Variants in MAD1L1 observed in about 807,000 individuals in gnomAD.
The protein encoded by MAD1L1 is mitotic spindle assembly checkpoint protein MAD1.
MAD1L1 carries 95 observed loss-of-function variants against 96.9 expected under a neutral mutation model. The ratio of observed to expected loss-of-function variants is 0.98; its 90% CI spans 0.83 to 1.16. MAD1L1 has a LOEUF of 1.16. MAD1L1 is among the 50% of genes most tolerant of loss of function. The pLI is 0.00. For synonymous variants in MAD1L1, 473 were observed against 396.6 expected (o/e 1.19, Z -2.29); for missense variants, 1,007 against 954.4 (o/e 1.06, Z -0.73).
Position 2,060,228 on chromosome 7 carries a change from G to A in MAD1L1, c.1218+8966C>T, listed in dbSNP as rs1480357851. On this transcript the variant is annotated intron_variant, in intron 12 of 18. Transcript: ENST00000265854. ...GCAGATGCCAAGTTACGCCGATGCC[G>A]AGATACGCCGATGCCGAGATACGCC... is the stretch of plus-strand genomic sequence containing the variant. Among the ~76,000 whole-genome samples, 17 of 109,488 alleles carry A rather than the reference G, an allele frequency of 1.6e-4. 1 individual carries two copies. Among genetic ancestry groups the A allele is most frequent in the African/African-American group, 6.4e-4 (14 of 21,960 alleles). The allele number at this position is 109,488 out of a possible 152,430, so 71.8% of individuals were successfully genotyped here.
chr7:2,095,041 A>C (rs889274183), intron 11 of MAD1L1, among the ~76,000 whole-genome samples: 8 of 152,052 alleles, frequency 5.3e-5, no homozygotes, highest in African/African-American at 1.7e-4. Flanking sequence ...ATATATATAT[A>C]TCTCCCCATA....
At chr7:2,050,709 G>A (rs1784130613) in intron 12 of MAD1L1, among the ~76,000 whole-genome samples, 1 of 152,148 alleles carries the variant, frequency 6.6e-6, no homozygotes, top group South Asian at 2.1e-4. Context: ...AGGGGCAGAG[G>A]CTGCGGAGGG....
At chr7:2,061,230 A>T (rs1406641425) in intron 12 of MAD1L1, among the ~76,000 whole-genome samples, 1 of 152,152 alleles carries the variant, frequency 6.6e-6, no homozygotes, top group Admixed American at 6.5e-5. Flanking sequence ...CCAGCTACTC[A>T]TGAGGCTGAG....
Position 2,090,385 on chromosome 7 carries a change from T to A in MAD1L1, c.1074-21047A>T, listed in dbSNP as rs572233624. On this transcript the variant is annotated intron_variant, in intron 11 of 18. Transcript: ENST00000265854. ...ATCCTTACCTCAGGGGTTTTTAAAG[T>A]AAATTTTGATTTTGATTTTGGAACG... Among the ~76,000 whole-genome samples, 426 of 152,330 alleles carry A rather than the reference T, an allele frequency of 2.8e-3. 2 individuals are homozygous for A. Among genetic ancestry groups the A allele is most frequent in the African/African-American group, 0.01 (417 of 41,572 alleles).
At chr7:1,893,279 ATGGGAAGTCC>A in intron 18 of MAD1L1, among the ~76,000 whole-genome samples, 1 of 151,796 alleles carries the variant, frequency 6.6e-6, no homozygotes, top group Admixed American at 6.6e-5. Flanking sequence ...CCTGGCTGGG[ATGGGAAGTCC>A]TGGCTGGGAT....
chr7:2,199,837 A>G (rs1792188137), intron 10 of MAD1L1, among the ~76,000 whole-genome samples: 2 of 152,050 alleles, frequency 1.3e-5, no homozygotes, highest in African/African-American at 4.8e-5. Flanking sequence ...GTGCTTCCCA[A>G]CGCCATGCTG....
At chr7:1,896,468 C>A (rs979040997) in intron 18 of MAD1L1, among the ~76,000 whole-genome samples, 2 of 152,200 alleles carry the variant, frequency 1.3e-5, no homozygotes, top group African/African-American at 2.4e-5. Flanking sequence ...CCATGCAGGG[C>A]TTACAGTGGT....
chr7:1,887,171 G>C (rs760522452), intron 18 of MAD1L1, among the ~76,000 whole-genome samples: 1 of 152,266 alleles, frequency 6.6e-6, no homozygotes, highest in African/African-American at 2.4e-5. Context: ...ACAGAAGCAG[G>C]TGCCACATGG....
chr7:1,934,094 A>C, intron 17 of MAD1L1, among the ~76,000 whole-genome samples: 1 of 152,234 alleles, frequency 6.6e-6, no homozygotes, highest in Admixed American at 6.5e-5. Context: ...TTTTGGGGGC[A>C]CAGACACGCG....
chr7:2,149,018 C>G lies in MAD1L1; in HGVS notation c.1073+134G>C, dbSNP rs1789442570. 1.1e-5 allele frequency: 8 copies of G among 741,964 alleles called. No individual in the cohort carries two copies. The South Asian group carries it at 1.3e-4, about 12-fold the overall frequency. The allele number at this position is 741,964 out of a possible 1,614,324, so 46.0% of individuals were successfully genotyped here. On this transcript the variant is annotated intron_variant, in intron 11 of 18. Transcript: ENST00000265854. ...TTCCCTCAAATCCCTGCTCCCCCAT[C>G]TCCTCCCAGACCAGGGCCAACCACA...
At chr7:1,925,238 G>A (rs1011174856) in intron 17 of MAD1L1, among the ~76,000 whole-genome samples, 1 of 152,170 alleles carries the variant, frequency 6.6e-6, no homozygotes, top group East Asian at 1.9e-4. Flanking sequence ...TGCAAAGAAA[G>A]TGAATCGTAG....
At chr7:2,213,424 T>A in intron 9 of MAD1L1, 151 bp from the exon 10 acceptor site, 1 of 712,792 alleles carries the variant, frequency 1.4e-6, no homozygotes, top group Non-Finnish European at 2.5e-6. Context: ...CCAAGTCTGC[T>A]TGGAAGTGGC....
chr7:1,972,540 T>C (rs1208078161), intron 15 of MAD1L1, among the ~76,000 whole-genome samples: 1 of 152,164 alleles, frequency 6.6e-6, no homozygotes, highest in East Asian at 1.9e-4. Flanking sequence ...TTGCTGATAT[T>C]GATGATTTTG....
At chr7:2,166,905 G>T (rs889583295) in intron 10 of MAD1L1, among the ~76,000 whole-genome samples, 1 of 152,220 alleles carries the variant, frequency 6.6e-6, no homozygotes, top group Non-Finnish European at 1.5e-5. Context: ...ACACCTGGGC[G>T]GCGCACTCCG....
In MAD1L1 at chr7:1,895,071, T is replaced by A. The variant is rs1318757884; in HGVS notation, c.1998+3129A>T. Among the ~76,000 whole-genome samples, 4 of 152,200 alleles carry A rather than the reference T, an allele frequency of 2.6e-5. 1 individual carries two copies. The highest frequency in any genetic ancestry group is 2.6e-4 in the Admixed American group (4 of 15,296). On this transcript the variant is annotated intron_variant, in intron 18 of 18. Transcript: ENST00000265854. ...AAGCCAGCGGAAGAAGGGTCCCACA[T>A]CTGGGGAACCCAGGAGGGCTTCCTG... is the stretch of plus-strand genomic sequence containing the variant.
At chr7:2,161,656 T>G (rs1018603998) in intron 10 of MAD1L1, among the ~76,000 whole-genome samples, 13 of 150,766 alleles carry the variant, frequency 8.6e-5, no homozygotes, top group Non-Finnish European at 1.8e-4. Context: ...GTCTAGGAAG[T>G]GAGGAGCGTC....
chr7:2,212,894 C>T (rs1490364745), intron 10 of MAD1L1, among the ~76,000 whole-genome samples: 1 of 152,230 alleles, frequency 6.6e-6, no homozygotes, highest in East Asian at 1.9e-4. Context: ...GCAATTATTT[C>T]CTCGGTATAC....
At chr7:2,202,008 T>C (rs1285176745) in intron 10 of MAD1L1, 1 of 152,260 alleles carries the variant, frequency 6.6e-6, no homozygotes, top group Non-Finnish European at 1.5e-5. Context: ...GGCCTTGCTT[T>C]GGGGGTCTCG....
chr7:2,219,705 G>A (rs1427258701), intron 5 of MAD1L1, among the ~76,000 whole-genome samples: 1 of 151,126 alleles, frequency 6.6e-6, no homozygotes, highest in East Asian at 2.0e-4. Flanking sequence ...GAGCAGGGGA[G>A]CAGAGGGCCA....
Sources: allele counts gnomAD v4.1 joint callset (sites outside exome capture counted in the v4.1 genomes callset), GRCh38; gene constraint gnomAD v4.1.1; transcripts MANE v1.5; gene names NCBI Gene and HGNC (gene_info 2026-07-23, HGNC 2026-07-21).